KLF8: variants seen among roughly 807,000 people sequenced by gnomAD.
KLF8 encodes the protein KLF transcription factor 8.
In KLF8, 10 loss-of-function variants were observed where a neutral mutation model predicts 18.2. The observed-to-expected ratio is 0.55, with a 90% CI of 0.34 to 0.93. The LOEUF is 0.93. Among genes scored for constraint, KLF8 ranks in the 40% least tolerant of loss-of-function variants. The pLI is 0.02. For missense variants in KLF8, 264 were observed against 277.9 expected (o/e 0.95, Z 0.36); for synonymous variants, 109 against 97.3 (o/e 1.12, Z -0.71).
At position 56,288,601 on chromosome X, in the gene KLF8, T is replaced by A. The variant is rs755083577; in HGVS notation, c.*4107T>A. Among the ~76,000 whole-genome samples, 21 of 112,460 alleles carry A rather than the reference T, an allele frequency of 1.9e-4. No individual in the cohort carries two copies. Among genetic ancestry groups the A allele is most frequent in the Non-Finnish European group, 3.4e-4 (18 of 53,333 alleles). ...GTTTCCCAGTGCATATAAAATTTTATGTTTACACTATCCTGTAGTCTGGTA... is the reference window on the plus strand; with the variant it reads ...GTTTCCCAGTGCATATAAAATTTTAAGTTTACACTATCCTGTAGTCTGGTA... On this transcript the variant is annotated 3_prime_UTR_variant, in exon 6 of 6. Transcript: ENST00000468660.
intron 1 of KLF8, among the ~76,000 whole-genome samples, chrX:56,242,201 T>C (rs1486229845): frequency 8.9e-6 from 1 of 112,362 alleles, no homozygotes; most frequent in Non-Finnish European, 1.9e-5. Flanking sequence ...ATTTTCTTTT[T>C]GTGGAAAAGA....
the KLF8 span, among the ~76,000 whole-genome samples, chrX:56,049,359 G>A: frequency 9.0e-6 from 1 of 111,385 alleles, no homozygotes; most frequent in East Asian, 2.8e-4. Context: ...TTCAAAGGGA[G>A]TGCTTCTAGT....
the KLF8 span, among the ~76,000 whole-genome samples, chrX:56,131,345 A>T: frequency 8.9e-6 from 1 of 111,808 alleles, no homozygotes; most frequent in Non-Finnish European, 1.9e-5. Flanking sequence ...CAGCCTCCTT[A>T]AACAAAACAA....
the KLF8 span, among the ~76,000 whole-genome samples, chrX:56,102,862 A>G: frequency 1.9e-5 from 2 of 107,897 alleles, no homozygotes; most frequent in East Asian, 6.0e-4. Flanking sequence ...TTAACTCGTC[A>G]TTTGCATTAG....
chrX:56,130,226 A>G, the KLF8 span, among the ~76,000 whole-genome samples: 1 of 110,730 alleles, frequency 9.0e-6, no homozygotes, highest in African/African-American at 3.3e-5. Flanking sequence ...GCATCAAGCA[A>G]CTGCGACTAA....
the KLF8 span, among the ~76,000 whole-genome samples, chrX:56,085,662 A>G: frequency 8.9e-6 from 1 of 112,478 alleles, no homozygotes; most frequent in Non-Finnish European, 1.9e-5. Flanking sequence ...GCATCCCATG[A>G]TTCAATCAAG....
the KLF8 span, among the ~76,000 whole-genome samples, chrX:56,079,616 C>A: frequency 9.0e-6 from 1 of 111,651 alleles, no homozygotes; most frequent in East Asian, 2.8e-4. Flanking sequence ...AATGTATATT[C>A]TGTTGATTTG....
the KLF8 span, among the ~76,000 whole-genome samples, chrX:56,125,846 G>A: frequency 8.9e-6 from 1 of 111,741 alleles, no homozygotes; most frequent in Non-Finnish European, 1.9e-5. Flanking sequence ...CTGAACCTCA[G>A]CTATATCATG....
chrX:56,175,650 C>A, the KLF8 span, among the ~76,000 whole-genome samples: 1 of 111,068 alleles, frequency 9.0e-6, no homozygotes, highest in Non-Finnish European at 1.9e-5. Flanking sequence ...TCCTTAATAT[C>A]CTTATTAACT....
At chrX:56,148,152 C>A in the KLF8 span, among the ~76,000 whole-genome samples, 1 of 111,935 alleles carries the variant, frequency 8.9e-6, no homozygotes, top group Admixed American at 9.5e-5. Context: ...TGCATGCACA[C>A]CCTCAGAAAT....
chrX:56,107,624 G>T, the KLF8 span, among the ~76,000 whole-genome samples: 2 of 111,556 alleles, frequency 1.8e-5, no homozygotes, highest in Non-Finnish European at 3.8e-5. Flanking sequence ...GGTAAAGTCT[G>T]TCACGGAGTC....
intron 2 of KLF8, among the ~76,000 whole-genome samples, chrX:56,254,983 A>G (rs2066770139): frequency 8.9e-6 from 1 of 112,351 alleles, no homozygotes; most frequent in African/African-American, 3.2e-5. Flanking sequence ...ACTTCTGCCT[A>G]GAATTTCCCT....
the KLF8 span, among the ~76,000 whole-genome samples, chrX:56,104,909 G>T: frequency 8.9e-6 from 1 of 111,896 alleles, no homozygotes; most frequent in Non-Finnish European, 1.9e-5. Flanking sequence ...ATTCTGGTAC[G>T]TTGTGGCTTT....
At chrX:55,975,784 TA>T in the KLF8 span, among the ~76,000 whole-genome samples, 2 of 110,935 alleles carry the variant, frequency 1.8e-5, no homozygotes, top group South Asian at 3.9e-4. Context: ...CTGACTTTTT[TA>T]AAAAAAAATT....
At chrX:56,157,206 AG>A in the KLF8 span, among the ~76,000 whole-genome samples, 1 of 86,477 alleles carries the variant, frequency 1.2e-5, no homozygotes, top group African/African-American at 4.5e-5. Context: ...GGACACAGGA[AG>A]GGGGACATCA....
the KLF8 span, among the ~76,000 whole-genome samples, chrX:55,989,464 G>T: frequency 8.9e-6 from 1 of 112,436 alleles, no homozygotes; most frequent in Non-Finnish European, 1.9e-5. Flanking sequence ...AGATAGTCAT[G>T]TGGTTTTTGT....
At chrX:56,067,252 C>A in the KLF8 span, among the ~76,000 whole-genome samples, 1 of 104,936 alleles carries the variant, frequency 9.5e-6, no homozygotes, top group African/African-American at 3.4e-5. Flanking sequence ...CTCTAGTCAG[C>A]CATCTTAAAG....
chrX:56,134,586 G>A, the KLF8 span, among the ~76,000 whole-genome samples: 1 of 111,602 alleles, frequency 9.0e-6, no homozygotes, highest in Non-Finnish European at 1.9e-5. Flanking sequence ...AACCATTCTA[G>A]ATATTGGCTT....
the KLF8 span, among the ~76,000 whole-genome samples, chrX:56,020,264 GGAAAGATTGT>G: frequency 9.0e-6 from 1 of 111,522 alleles, no homozygotes; most frequent in Non-Finnish European, 1.9e-5. Context: ...GGAAAAAAAA[GGAAAGATTGT>G]GAAGGGCAAT....
Sources: allele counts gnomAD v4.1 joint callset (sites outside exome capture counted in the v4.1 genomes callset), GRCh38; gene constraint gnomAD v4.1.1; transcripts MANE v1.5; gene names NCBI Gene and HGNC (gene_info 2026-07-23, HGNC 2026-07-21).